CMSS1: variants seen among roughly 807,000 people sequenced by gnomAD.
CMSS1 encodes protein CMSS1.
A neutral mutation model predicts 43.5 loss-of-function variants in CMSS1; 33 were observed. The observed-to-expected ratio is 0.76, with a 90% CI of 0.57 to 1.01. The LOEUF (loss-of-function observed/expected upper bound fraction) is 1.01. Ranked by LOEUF, CMSS1 falls within the 50% of genes least tolerant of loss-of-function variation. The pLI, the probability that CMSS1 is intolerant of heterozygous loss-of-function variation, is 0.00. For synonymous variants in CMSS1, 115 were observed against 117.2 expected, an observed-to-expected ratio of 0.98 and a Z score of 0.12; for missense variants, 313 against 326.4, an observed-to-expected ratio of 0.96 and a Z score of 0.32.
At chr3:100,028,316 C>G (rs2107252574) in intron 1 of CMSS1, among the ~76,000 whole-genome samples, 2 of 152,290 alleles carry the variant, frequency 1.3e-5, no homozygotes, top group East Asian at 3.9e-4. Flanking sequence ...AGCCTTTGTT[C>G]TTACTTAGCC....
intron 1 of CMSS1, among the ~76,000 whole-genome samples, chr3:100,075,986 A>C (rs1287378975): frequency 2.6e-5 from 4 of 152,180 alleles, no homozygotes; most frequent in Non-Finnish European, 5.9e-5. Context: ...CACTTTGAAG[A>C]CACAAAACTA....
At chr3:99,818,785 T>C (rs1050733462) in intron 1 of CMSS1, among the ~76,000 whole-genome samples, 1 of 152,204 alleles carries the variant, frequency 6.6e-6, no homozygotes, top group Non-Finnish European at 1.5e-5. Flanking sequence ...TTAACACAAT[T>C]TGAATAGTTT....
intron 1 of CMSS1, among the ~76,000 whole-genome samples, chr3:100,022,638 A>G (rs1192304338): frequency 6.6e-6 from 1 of 152,220 alleles, no homozygotes; most frequent in Non-Finnish European, 1.5e-5. Flanking sequence ...CTGGCCAAGC[A>G]CAGGGGAAAA....
rs12330859 is a variant in CMSS1, at chr3:100,065,561, C to A, written c.65-81412C>A. 5.9e-3 allele frequency among the ~76,000 whole-genome samples: 897 copies of A among 152,310 alleles called. 9 individuals are homozygous for A. The highest frequency in any genetic ancestry group is 0.02 in the African/African-American group (845 of 41,574). On this transcript the variant is annotated intron_variant, in intron 1 of 9. Coordinates refer to ENST00000421999, the MANE Select transcript of CMSS1 (RefSeq NM_032359.4). ...AAGCCATTTTTTCTAAGATTTCATT[C>A]TTGGTCTTCCACTTTTCATCTTACT...
intron 1 of CMSS1, among the ~76,000 whole-genome samples, chr3:100,038,252 G>A (rs569218743): frequency 1.7e-4 from 26 of 152,034 alleles, no homozygotes; most frequent in African/African-American, 5.8e-4. Context: ...CACCACGCCC[G>A]GCCTCTCTTT....
intron 1 of CMSS1, 74 bp downstream of exon 1, chr3:99,818,117 C>T (rs1559644262): frequency 6.9e-7 from 1 of 1,447,042 alleles, no homozygotes; most frequent in East Asian, 2.3e-5. Flanking sequence ...CTGGTCGCTT[C>T]TGGCGATCGC....
chr3:99,984,241 G>A (rs1218636245), intron 1 of CMSS1, among the ~76,000 whole-genome samples: 1 of 152,152 alleles, frequency 6.6e-6, no homozygotes, highest in Admixed American at 6.5e-5. Flanking sequence ...AATTTTACTA[G>A]TAGCCATTCA....
intron 1 of CMSS1, among the ~76,000 whole-genome samples, chr3:99,927,442 T>C (rs544751754): frequency 5.9e-5 from 9 of 151,814 alleles, no homozygotes; most frequent in African/African-American, 2.2e-4. Context: ...TGATCTCAGC[T>C]CATCGCGATC....
intron 1 of CMSS1, among the ~76,000 whole-genome samples, chr3:99,904,420 G>T (rs1294054809): frequency 6.6e-6 from 1 of 152,144 alleles, no homozygotes; most frequent in East Asian, 1.9e-4. Flanking sequence ...AGTGTTTTCA[G>T]CCCTAGCATT....
chr3:100,085,919 G>A (rs1576038856), intron 1 of CMSS1, among the ~76,000 whole-genome samples: 1 of 152,286 alleles, frequency 6.6e-6, no homozygotes, highest in East Asian at 1.9e-4. Flanking sequence ...CTTAGCTCTG[G>A]GTTAGATTCT....
intron 1 of CMSS1, among the ~76,000 whole-genome samples, chr3:100,128,529 T>C (rs2066680674): frequency 6.6e-6 from 1 of 152,184 alleles, no homozygotes; most frequent in Non-Finnish European, 1.5e-5. Context: ...TTTAATTGAG[T>C]TATAATTTAC....
At chr3:99,929,059 T>C (rs553504622) in intron 1 of CMSS1, among the ~76,000 whole-genome samples, 10 of 152,362 alleles carry the variant, frequency 6.6e-5, no homozygotes, top group African/African-American at 1.9e-4. Context: ...TGAAACTTGC[T>C]TTCACTCTCC....
chr3:100,177,824 A>T (rs1030306118), intron 9 of CMSS1, among the ~76,000 whole-genome samples: 2 of 152,116 alleles, frequency 1.3e-5, no homozygotes, highest in South Asian at 4.1e-4. Context: ...TCTACAAAAC[A>T]ATAATAATAA....
intron 1 of CMSS1, among the ~76,000 whole-genome samples, chr3:100,059,893 G>A (rs2065530610): frequency 6.6e-6 from 1 of 152,146 alleles, no homozygotes; most frequent in Admixed American, 6.5e-5. Flanking sequence ...ACATGCATGT[G>A]GACTGGATTC....
At chr3:99,952,618 C>T (rs914516446) in intron 1 of CMSS1, among the ~76,000 whole-genome samples, 14 of 152,234 alleles carry the variant, frequency 9.2e-5, no homozygotes, top group African/African-American at 3.1e-4. Context: ...CATAGATACA[C>T]GGCTTTTAAA....
chr3:99,997,843 A>G (rs972070683), intron 1 of CMSS1, among the ~76,000 whole-genome samples: 1 of 152,240 alleles, frequency 6.6e-6, no homozygotes, highest in African/African-American at 2.4e-5. Context: ...CACATAAGTC[A>G]TGCTCTTATT....
At chr3:100,141,599 C>T (rs954973655) in intron 1 of CMSS1, 2 of 455,392 alleles carry the variant, frequency 4.4e-6, no homozygotes, top group Admixed American at 2.4e-5. Context: ...TGATGGGAAA[C>T]TGAACTTCAG....
At chr3:99,930,919 T>C (rs753957300) in intron 1 of CMSS1, 1 of 1,613,624 alleles carries the variant, frequency 6.2e-7, no homozygotes. Context: ...TGTCTTGCTG[T>C]CTATGCTTCA....
At chr3:100,108,344 C>T (rs923842635) in intron 1 of CMSS1, among the ~76,000 whole-genome samples, 1 of 152,164 alleles carries the variant, frequency 6.6e-6, no homozygotes, top group Non-Finnish European at 1.5e-5. Flanking sequence ...ATGATAATAA[C>T]AGCCTCTCAT....
Sources: gnomAD v4.1 joint callset for allele counts (sites outside exome capture counted in the v4.1 genomes callset) on GRCh38, gnomAD v4.1.1 for gene constraint, MANE v1.5 for transcripts, NCBI Gene and HGNC (gene_info 2026-07-23, HGNC 2026-07-21) for gene names.